Variants in PDE1C observed in about 807,000 individuals in gnomAD.
The protein encoded by PDE1C is dual specificity calcium/calmodulin-dependent 3',5'-cyclic nucleotide phosphodiesterase 1C.
A neutral mutation model predicts 93.1 loss-of-function variants in PDE1C; 62 were observed. The ratio of observed to expected loss-of-function variants is 0.67; its 90% CI spans 0.54 to 0.82. PDE1C has a LOEUF of 0.82. Among genes scored for constraint, PDE1C ranks in the 40% least tolerant of loss-of-function variants. PDE1C has a pLI of 0.00. For synonymous variants in PDE1C, 325 were observed against 310.1 expected (o/e 1.05, Z -0.50); for missense variants, 742 against 884.6 (o/e 0.84, Z 2.04).
chr7:32,328,561 A>T (rs958307481), intron 1 of PDE1C, among the ~76,000 whole-genome samples: 1 of 152,064 alleles, frequency 6.6e-6, no homozygotes. Context: ...TCTTCCTTGA[A>T]CAAGCCAGGC....
chr7:31,815,288 A>C (rs1489331666), intron 15 of PDE1C, among the ~76,000 whole-genome samples: 2 of 152,080 alleles, frequency 1.3e-5, no homozygotes, highest in African/African-American at 4.8e-5. Flanking sequence ...TCCATTTCTA[A>C]ATCCCTAGTG....
intron 1 of PDE1C, among the ~76,000 whole-genome samples, chr7:32,343,397 G>A (rs1049630730): frequency 5.9e-5 from 9 of 152,152 alleles, no homozygotes; most frequent in African/African-American, 2.2e-4. Flanking sequence ...AGAACCTCTT[G>A]CAGATCTCTT....
intron 2 of PDE1C, among the ~76,000 whole-genome samples, chr7:31,920,187 T>C (rs1226428411): frequency 6.6e-6 from 1 of 152,182 alleles, no homozygotes; most frequent in Non-Finnish European, 1.5e-5. Flanking sequence ...TGCTTCCCTT[T>C]AACTCCCTGG....
chr7:31,702,573 C>T, the PDE1C span, among the ~76,000 whole-genome samples: 1 of 152,340 alleles, frequency 6.6e-6, no homozygotes, highest in African/African-American at 2.4e-5. Flanking sequence ...TCTTAACTAA[C>T]TCTGTATTAG....
chr7:32,310,616 C>A (rs1334648222), intron 1 of PDE1C, among the ~76,000 whole-genome samples: 5 of 152,184 alleles, frequency 3.3e-5, no homozygotes, highest in South Asian at 4.1e-4. Context: ...AACTGCTCAA[C>A]TACATGGAAA....
At chr7:32,400,664 G>C (rs1184717262) in intron 1 of PDE1C, among the ~76,000 whole-genome samples, 5 of 152,230 alleles carry the variant, frequency 3.3e-5, no homozygotes. Context: ...AGGTGTTTAA[G>C]GCTCTTCCCT....
intron 2 of PDE1C, chr7:31,893,632 C>T (rs1033804178): frequency 2.6e-5 from 8 of 302,974 alleles, no homozygotes; most frequent in African/African-American, 4.5e-5. Context: ...ACAAGGTAAA[C>T]GCTAATACAG....
At chr7:31,904,621 C>T (rs1211481816) in intron 2 of PDE1C, among the ~76,000 whole-genome samples, 1 of 151,666 alleles carries the variant, frequency 6.6e-6, no homozygotes, top group Non-Finnish European at 1.5e-5. Flanking sequence ...GAACTTTTTT[C>T]CAGCATTTAC....
chr7:32,407,760 A>G (rs915431537), intron 1 of PDE1C, among the ~76,000 whole-genome samples: 2 of 152,248 alleles, frequency 1.3e-5, no homozygotes, highest in African/African-American at 2.4e-5. Context: ...AGCTTTATCT[A>G]TGGAATGTGT....
rs191411553 is a variant in PDE1C, at chr7:31,976,184, C to T, written c.128+75370G>A. ...ATCTGGGTAACTGAATAATATATAA[C>T]GGCATGCTTCCATAATAGATGAAGA... On this transcript the variant is annotated intron_variant, in intron 2 of 17. Transcript: ENST00000396191. Among the ~76,000 whole-genome samples the T allele has an allele frequency of 7.8e-4, 118 of 152,254 alleles. 3 individuals carry two copies. The highest frequency in any genetic ancestry group is 2.0e-3 in the African/African-American group (82 of 41,556).
At chr7:32,070,723 A>C, upstream of PDE1C, 1 of 1,148,608 alleles carries the variant, frequency 8.7e-7, no homozygotes, top group Non-Finnish European at 1.1e-6. Flanking sequence ...GTCTATTCGT[A>C]TTCTCCCCCT....
the PDE1C span, among the ~76,000 whole-genome samples, chr7:31,628,266 C>T: frequency 6.6e-6 from 1 of 152,054 alleles, no homozygotes; most frequent in Admixed American, 6.6e-5. Flanking sequence ...CAAGAGAAAG[C>T]CTGGAGCACA....
At chr7:31,923,669 T>C (rs2128963166) in intron 2 of PDE1C, among the ~76,000 whole-genome samples, 2 of 152,270 alleles carry the variant, frequency 1.3e-5, no homozygotes, top group Non-Finnish European at 2.9e-5. Context: ...GTTAGAAGCC[T>C]ATGGGAGCTC....
intron 16 of PDE1C, among the ~76,000 whole-genome samples, chr7:31,799,620 G>T (rs1267363581): frequency 6.6e-6 from 1 of 151,646 alleles, no homozygotes; most frequent in African/African-American, 2.4e-5. Flanking sequence ...ACCACTGTGA[G>T]CCATGTAGCA....
chr7:32,048,922 G>C (rs30581), intron 2 of PDE1C, among the ~76,000 whole-genome samples: 87,909 of 151,928 alleles, frequency 0.58, 26,109 homozygotes, highest in Middle Eastern at 0.72. Context: ...CAGCATTCAC[G>C]TCAGATATGC....
chr7:31,894,870 G>A (rs1306033753), intron 2 of PDE1C, among the ~76,000 whole-genome samples: 1 of 152,098 alleles, frequency 6.6e-6, no homozygotes, highest in African/African-American at 2.4e-5. Flanking sequence ...CAGGAAAGTG[G>A]TGTCTATGAA....
chr7:32,085,909 C>G (rs1260547845), intron 3 of PDE1C, among the ~76,000 whole-genome samples: 1 of 147,798 alleles, frequency 6.8e-6, no homozygotes, highest in Non-Finnish European at 1.5e-5. Context: ...ACTGAATGGG[C>G]AAAAACTGGA....
chr7:31,680,154 G>A, the PDE1C span, among the ~76,000 whole-genome samples: 32 of 152,196 alleles, frequency 2.1e-4, no homozygotes, highest in African/African-American at 7.5e-4. Context: ...TTCAAGCAAA[G>A]CTTTGGATTA....
chr7:31,650,935 A>T, the PDE1C span, among the ~76,000 whole-genome samples: 1 of 152,112 alleles, frequency 6.6e-6, no homozygotes, highest in African/African-American at 2.4e-5. Flanking sequence ...ACCCAACAAC[A>T]GCTGCCCTTC....
Sources: gnomAD v4.1 joint callset for allele counts (sites outside exome capture counted in the v4.1 genomes callset) on GRCh38, gnomAD v4.1.1 for gene constraint, MANE v1.5 for transcripts, NCBI Gene and HGNC (gene_info 2026-07-23, HGNC 2026-07-21) for gene names.